The following CHID1 variants were observed in gnomAD, a reference collection of about 807,000 sequenced individuals.
The protein encoded by CHID1 is chitinase domain-containing protein 1.
Under a neutral mutation model 55.4 loss-of-function variants are expected in CHID1, and 44 were observed. That is an observed-to-expected ratio of 0.79 (90% CI 0.62 to 1.02). The LOEUF is 1.02. CHID1 is among the 50% of genes least tolerant of loss of function. The pLI is 0.00. For synonymous variants in CHID1, 216 were observed against 212.9 expected (o/e 1.01, Z -0.13); for missense variants, 491 against 515.3 (o/e 0.95, Z 0.46).
chr11:893,506 T>C lies in CHID1; in HGVS notation c.622A>G (p.Met208Val). The C allele has an allele frequency of 1.3e-6, 2 of 1,550,354 alleles. No individual in the cohort carries two copies. Among genetic ancestry groups the C allele is most frequent in the Non-Finnish European group, 1.7e-6 (2 of 1,146,452 alleles). ...AGAGCCTCGGCCAAGTGGGTGAGCA[T>C]GTGGATGAGGCCCCTGCAAGAACCG... ...LSQKRVGLIH[M>V]LTHLAEALHQ... The change falls in exon 8 of 13, where the codon ATG becomes GTG. Residue 208 changes from methionine to valine, a missense_variant. By Grantham distance (21) the Met-to-Val change is conservative. Coordinates refer to ENST00000323578, the MANE Select transcript of CHID1 (RefSeq NM_023947.4).
intron 1 of CHID1, chr11:910,537 C>T: frequency 3.0e-6 from 3 of 1,005,150 alleles, no homozygotes; most frequent in Non-Finnish European, 3.8e-6. Flanking sequence ...CACTCGCCCT[C>T]CACCCCCGCT....
At chr11:910,308 A>G (rs1203939080) in intron 1 of CHID1, among the ~76,000 whole-genome samples, 2 of 152,066 alleles carry the variant, frequency 1.3e-5, no homozygotes, top group Non-Finnish European at 2.9e-5. Flanking sequence ...GCCCGCCTGG[A>G]GCCCTACTGC....
At chr11:896,533 G>A (rs1390257681) in intron 7 of CHID1, among the ~76,000 whole-genome samples, 20 of 55,610 alleles carry the variant, frequency 3.6e-4, no homozygotes, top group East Asian at 7.2e-4. Flanking sequence ...CACCCCAGAC[G>A]TGAGGCTGTC....
chr11:886,809 G>A (rs1463896916), intron 8 of CHID1, among the ~76,000 whole-genome samples: 2 of 152,192 alleles, frequency 1.3e-5, no homozygotes, highest in Non-Finnish European at 2.9e-5. Context: ...AGGTCCTGGC[G>A]GCAGATGCCA....
At chr11:890,461 C>T (rs1850721238) in intron 8 of CHID1, among the ~76,000 whole-genome samples, 1 of 152,346 alleles carries the variant, frequency 6.6e-6, no homozygotes, top group African/African-American at 2.4e-5. Context: ...GGTCGCGGCC[C>T]CGCCCACCTC....
At chr11:871,944 T>C (rs926067102) in intron 10 of CHID1, among the ~76,000 whole-genome samples, 5 of 152,314 alleles carry the variant, frequency 3.3e-5, no homozygotes, top group Admixed American at 6.5e-5. Context: ...TGGGAGCCTC[T>C]TCCAGACTAG....
At chr11:878,826 C>T (rs982702463) in intron 10 of CHID1, among the ~76,000 whole-genome samples, 2 of 151,544 alleles carry the variant, frequency 1.3e-5, no homozygotes, top group African/African-American at 4.8e-5. Flanking sequence ...CTCAGCCTCC[C>T]GAGTAGCCCG....
chr11:870,639 C>G, intron 10 of CHID1, 140 bp from the exon 11 acceptor site: 1 of 638,226 alleles, frequency 1.6e-6, no homozygotes, highest in Admixed American at 2.6e-5. Context: ...GGGACAACAC[C>G]TGGTGGGGTG....
At chr11:898,393 A>G (rs983362930) in intron 7 of CHID1, among the ~76,000 whole-genome samples, 2 of 152,220 alleles carry the variant, frequency 1.3e-5, no homozygotes, top group Admixed American at 1.3e-4. Context: ...CGGCTCACAC[A>G]GAAGGCTGAA....
intron 5 of CHID1, 99 bp from the exon 6 acceptor site, chr11:900,209 G>A: frequency 1.1e-6 from 1 of 899,676 alleles, no homozygotes; most frequent in Non-Finnish European, 1.8e-6. Context: ...GGCCTCCAGA[G>A]GGAAGTGAGA....
intron 10 of CHID1, among the ~76,000 whole-genome samples, chr11:881,114 A>C (rs992450703): frequency 1.3e-5 from 2 of 152,106 alleles, no homozygotes; most frequent in African/African-American, 4.8e-5. Context: ...GAGACATGGA[A>C]GACGTAAAGG....
upstream of CHID1, among the ~76,000 whole-genome samples, chr11:912,057 G>A (rs556745341): frequency 3.3e-5 from 5 of 152,346 alleles, no homozygotes; most frequent in East Asian, 7.7e-4. Flanking sequence ...TCGGGCAGCC[G>A]CCGCCTTTAA....
intron 1 of CHID1, among the ~76,000 whole-genome samples, chr11:905,098 G>C (rs1199142214): frequency 1.3e-5 from 2 of 152,176 alleles, no homozygotes; most frequent in Non-Finnish European, 2.9e-5. Context: ...CCAGAAAGAA[G>C]CTTCCTCACC....
rs200139988 is a variant in CHID1 at position 903,080 on chromosome 11, C to G, written c.143G>C (p.Arg48Pro). The G allele has an allele frequency of 4.3e-6, 7 of 1,612,906 alleles. No homozygotes were observed. Among genetic ancestry groups the G allele is most frequent in the Non-Finnish European group, 5.9e-6 (7 of 1,179,996 alleles). ...TTTGAGGTCCGTCACCACCAAACCC[C>G]GGTCTTGCACCGGCTTATCTGAAAA... ...SQFSDKPVQD[R>P]GLVVTDLKAE... Residue 48 changes from arginine to proline, a missense_variant, in exon 3 of 13, where the codon CGG becomes CCG. Arg to Pro is a moderately radical substitution (Grantham distance 103). Transcript: ENST00000323578.
At chr11:903,863 C>A (rs960442806) in intron 2 of CHID1, 16 of 195,628 alleles carry the variant, frequency 8.2e-5, no homozygotes, top group Non-Finnish European at 1.3e-4. Flanking sequence ...GCCAACGTGA[C>A]CCTGCTGGCC....
At chr11:895,909 C>A (rs930228041) in intron 7 of CHID1, among the ~76,000 whole-genome samples, 2 of 152,044 alleles carry the variant, frequency 1.3e-5, no homozygotes, top group Non-Finnish European at 2.9e-5. Context: ...CACCTTCCCG[C>A]AGCTCCCCAC....
chr11:899,191 G>C (rs529311256), intron 7 of CHID1, 149 bp downstream of exon 7: 1 of 720,840 alleles, frequency 1.4e-6, no homozygotes, highest in Non-Finnish European at 2.3e-6. Context: ...TCTCTGAGCA[G>C]GTGTCCATCT....
At chr11:888,145 C>A (rs916364393) in intron 8 of CHID1, among the ~76,000 whole-genome samples, 1 of 152,366 alleles carries the variant, frequency 6.6e-6, no homozygotes, top group South Asian at 2.1e-4. Flanking sequence ...ACTGACCCAA[C>A]AACTTTGCTA....
At chr11:913,997 G>A (rs1852826396), upstream of CHID1, among the ~76,000 whole-genome samples, 1 of 151,746 alleles carries the variant, frequency 6.6e-6, no homozygotes, top group African/African-American at 2.4e-5. Flanking sequence ...GAACCTGGGA[G>A]GCGGAGGTTG....
Sources: gnomAD v4.1 joint callset for allele counts (sites outside exome capture counted in the v4.1 genomes callset) on GRCh38, gnomAD v4.1.1 for gene constraint, MANE v1.5 for transcripts, NCBI Gene and HGNC (gene_info 2026-07-23, HGNC 2026-07-21) for gene names.